The following ERBIN variants were observed in gnomAD, a reference collection of about 807,000 sequenced individuals.
ERBIN encodes the protein erbb2 interacting protein.
A neutral mutation model predicts 158.4 loss-of-function variants in ERBIN; 60 were observed. The ratio of observed to expected loss-of-function variants is 0.38; its 90% CI spans 0.31 to 0.47. The LOEUF (loss-of-function observed/expected upper bound fraction) is 0.47. ERBIN is among the 20% of genes least tolerant of loss of function. The probability of loss-of-function intolerance (pLI) is 0.99; values close to 1 mark genes in which losing one functional copy is unlikely to be tolerated. For synonymous variants in ERBIN, 594 were observed against 557.2 expected (o/e 1.07, Z -0.93); for missense variants, 1,610 against 1,648.0 (o/e 0.98, Z 0.40).
chr5:65,944,290 A>G (rs1310938471), intron 1 of ERBIN, among the ~76,000 whole-genome samples: 2 of 151,386 alleles, frequency 1.3e-5, no homozygotes, highest in African/African-American at 4.9e-5. Flanking sequence ...AAAGTATACA[A>G]GAGTTCCAGT....
Position 66,054,504 on chromosome 5 carries a change from C to T in ERBIN, c.3186C>T (p.Asn1062=), listed in dbSNP as rs368267977. 37 of 1,614,162 alleles carry T rather than the reference C, an allele frequency of 2.3e-5. 1 individual carries two copies. Among genetic ancestry groups the T allele is most frequent in the South Asian group, 1.2e-4 (11 of 91,086 alleles). The part of the protein sequence containing the change: ...RHGEMWAISP[N]DRLIPAVTRS... Reference sequence around the variant, plus strand: ...GGGAAATGTGGGCCATCTCACCAAACGACCGACTTATTCCTGCAGTAACTC... The same window carrying T: ...GGGAAATGTGGGCCATCTCACCAAATGACCGACTTATTCCTGCAGTAACTC... Residue 1062 remains asparagine (N), a synonymous_variant, in exon 21 of 26, where the codon AAC becomes AAT. Coordinates refer to ENST00000284037, the MANE Select transcript of ERBIN (RefSeq NM_001253697.2).
chr5:65,964,908 T>TTG (rs70987104), intron 1 of ERBIN, among the ~76,000 whole-genome samples: 2,650 of 107,196 alleles, frequency 0.025, 73 homozygotes, highest in East Asian at 0.068. Context: ...CCTGGCTGAT[T>TTG]TGTGTGTGTG....
rs1033964294 is a variant in ERBIN at position 65,926,718 on chromosome 5, A to C, written c.-146A>C. 4 of 151,988 alleles carry C rather than the reference A, an allele frequency of 2.6e-5. No individual in the cohort carries two copies. The highest frequency in any genetic ancestry group is 4.4e-5 in the Non-Finnish European group (3 of 67,994). The allele number at this position is 151,988 out of a possible 1,614,324, so 9.4% of individuals were successfully genotyped here. ...CCGCTCTCACCCGAGAGAGATATTCAGCTGGATCCAAAGTGACTGATGAAG... is the reference window on the plus strand; with the variant it reads ...CCGCTCTCACCCGAGAGAGATATTCCGCTGGATCCAAAGTGACTGATGAAG... On this transcript the variant is annotated 5_prime_UTR_variant, in exon 1 of 26. Transcript: ENST00000284037.
chr5:66,057,573 T>C (rs965301245), intron 21 of ERBIN, among the ~76,000 whole-genome samples: 2 of 152,174 alleles, frequency 1.3e-5, no homozygotes, highest in Admixed American at 1.3e-4. Context: ...TATTATACTT[T>C]AAGTTTTAGG....
At chr5:66,037,936 G>GAATAAT in intron 14 of ERBIN, among the ~76,000 whole-genome samples, 1 of 152,174 alleles carries the variant, frequency 6.6e-6, no homozygotes, top group East Asian at 1.9e-4. Flanking sequence ...CTTTTCAGCT[G>GAATAAT]CTAACTAGAA....
intron 19 of ERBIN, among the ~76,000 whole-genome samples, chr5:66,049,223 T>A (rs189306621): frequency 6.6e-6 from 1 of 152,208 alleles, no homozygotes; most frequent in Non-Finnish European, 1.5e-5. Context: ...AACATTTTTT[T>A]ACACTCCGTC....
chr5:65,981,041 C>T (rs1750601554), intron 1 of ERBIN, among the ~76,000 whole-genome samples: 1 of 152,060 alleles, frequency 6.6e-6, no homozygotes, highest in Non-Finnish European at 1.5e-5. Context: ...TTACGTGGGG[C>T]GTCAAAAGTC....
At chr5:65,965,059 G>A (rs1427294198) in intron 1 of ERBIN, among the ~76,000 whole-genome samples, 2 of 151,056 alleles carry the variant, frequency 1.3e-5, no homozygotes, top group East Asian at 1.9e-4. Flanking sequence ...CCAAAGTACC[G>A]GGATTACAGG....
In ERBIN at chr5:65,972,816, A is replaced by G. The variant is rs1256643485; in HGVS notation, c.-57-15819A>G. On this transcript the variant is annotated intron_variant, in intron 1 of 25. Transcript: ENST00000284037. ...ATTAACCTTTGAAAATCCTGCTGTA[A>G]TAAGGTGTTGAGAGTGATCTAGCTT... 2.6e-5 allele frequency among the ~76,000 whole-genome samples: 4 copies of G among 151,378 alleles called. 1 individual carries two copies. Among genetic ancestry groups the G allele is most frequent in the African/African-American group, 9.8e-5 (4 of 40,658 alleles).
At chr5:65,955,847 G>T (rs978743887) in intron 1 of ERBIN, among the ~76,000 whole-genome samples, 1 of 152,194 alleles carries the variant, frequency 6.6e-6, no homozygotes, top group African/African-American at 2.4e-5. Flanking sequence ...GAAATAATTT[G>T]TAAGTTTGAA....
At chr5:66,004,395 CGCGT>C (rs919221791) in intron 4 of ERBIN, among the ~76,000 whole-genome samples, 6 of 151,800 alleles carry the variant, frequency 4.0e-5, no homozygotes, top group Non-Finnish European at 8.8e-5. Flanking sequence ...TGTGTGCGCG[CGCGT>C]GCGTGTGTGT....
intron 8 of ERBIN, among the ~76,000 whole-genome samples, chr5:66,021,792 G>A (rs757340046): frequency 2.4e-4 from 37 of 152,110 alleles, no homozygotes; most frequent in Admixed American, 1.1e-3. Context: ...TTACTTAATA[G>A]CTAAGGGGAA....
chr5:66,015,472 C>T (rs1168390754), intron 7 of ERBIN, among the ~76,000 whole-genome samples: 1 of 152,076 alleles, frequency 6.6e-6, no homozygotes, highest in Non-Finnish European at 1.5e-5. Context: ...AAGTAGTTGT[C>T]ACTACTGTAT....
intron 1 of ERBIN, among the ~76,000 whole-genome samples, chr5:65,943,970 A>T (rs192376814): frequency 6.6e-6 from 1 of 152,224 alleles, no homozygotes; most frequent in Non-Finnish European, 1.5e-5. Context: ...GTTTCAGCAT[A>T]TGTCAGAATT....
chr5:65,960,116 AT>A (rs915785706), intron 1 of ERBIN, among the ~76,000 whole-genome samples: 3 of 152,252 alleles, frequency 2.0e-5, no homozygotes, highest in African/African-American at 7.2e-5. Context: ...AGATAAACAA[AT>A]TGCAGTATAT....
chr5:66,041,271 A>G (rs1726868897), intron 15 of ERBIN, among the ~76,000 whole-genome samples: 1 of 152,014 alleles, frequency 6.6e-6, no homozygotes, highest in African/African-American at 2.4e-5. Flanking sequence ...GTGGTCAAAG[A>G]GGTGGAAAAG....
intron 14 of ERBIN, among the ~76,000 whole-genome samples, chr5:66,032,741 T>C (rs1422859631): frequency 6.6e-6 from 1 of 152,146 alleles, no homozygotes; most frequent in Non-Finnish European, 1.5e-5. Flanking sequence ...CACGTTGCCT[T>C]GAACTAAAGT....
rs57148473 is a variant in ERBIN, at chr5:66,004,103, ATT to A, written c.308-7927_308-7926del. ...CAGGTGTGCACCACCATGCTCGGCTATTTTTTTTTTTTTTTTTTTTAAGAGAT... is the reference window on the plus strand; with the variant it reads ...CAGGTGTGCACCACCATGCTCGGCTATTTTTTTTTTTTTTTTTTAAGAGAT... On this transcript the variant is annotated intron_variant, in intron 4 of 25. Transcript: ENST00000284037. Among the ~76,000 whole-genome samples the A allele has an allele frequency of 3.3e-3, 351 of 105,144 alleles. 1 individual carries two copies. The highest frequency in any genetic ancestry group is 0.011 in the African/African-American group (312 of 28,512). 69.0% of individuals were successfully genotyped at this position (105,144 alleles called of 152,430 possible).
intron 1 of ERBIN, among the ~76,000 whole-genome samples, chr5:65,952,724 AT>A (rs1413229952): frequency 1.3e-5 from 2 of 152,152 alleles, no homozygotes; most frequent in Non-Finnish European, 2.9e-5. Flanking sequence ...TTGTATATTA[AT>A]TTGTCTTAAT....
Sources: gnomAD v4.1 joint callset for allele counts (sites outside exome capture counted in the v4.1 genomes callset) on GRCh38, gnomAD v4.1.1 for gene constraint, MANE v1.5 for transcripts, NCBI Gene and HGNC (gene_info 2026-07-23, HGNC 2026-07-21) for gene names.